HERC4: variants seen among roughly 807,000 people sequenced by gnomAD.
The protein encoded by HERC4 is HECT and RLD domain containing E3 ubiquitin protein ligase 4.
Under a neutral mutation model 124.3 loss-of-function variants are expected in HERC4, and 28 were observed. The observed-to-expected ratio is 0.23, with a 90% confidence interval of 0.17 to 0.31. The LOEUF is 0.31. Ranked by LOEUF, HERC4 falls within the 10% of genes least tolerant of loss-of-function variation. HERC4 has a pLI of 1.00. For missense variants in HERC4, 713 were observed against 1,229.3 expected, an observed-to-expected ratio of 0.58 and a Z score of 6.28; for synonymous variants, 407 against 421.5, an observed-to-expected ratio of 0.97 and a Z score of 0.42.
intron 4 of HERC4, chr10:68,039,343 G>C: frequency 5.7e-6 from 7 of 1,226,198 alleles, no homozygotes; most frequent in African/African-American, 1.6e-5. Flanking sequence ...AAGAAAGAAA[G>C]AAAAGAAAAA....
chr10:68,012,401 T>C (rs1394637567), intron 9 of HERC4, among the ~76,000 whole-genome samples: 3 of 152,198 alleles, frequency 2.0e-5, no homozygotes, highest in African/African-American at 4.8e-5. Context: ...GAAATGTGAT[T>C]TAAAGTGAGA....
chr10:68,039,334 A>T, intron 4 of HERC4: 5 of 1,394,838 alleles, frequency 3.6e-6, no homozygotes, highest in African/African-American at 1.5e-5. Context: ...AAAAAAAAAA[A>T]GAAAGAAAGA....
Position 68,040,049 on chromosome 10 carries a change from TA to T in HERC4, c.387-1881del, listed in dbSNP as rs2039682196. 5.4e-6 allele frequency: 4 copies of T among 742,454 alleles called. No homozygotes were observed. In the South Asian group the frequency reaches 2.4e-4, roughly 45 times the overall value. The allele number at this position is 742,454 out of a possible 1,614,324, so 46.0% of individuals were successfully genotyped here. ...CAGACTATGTGTTTTATACCCATGA[TA>T]ATGCCTGGCACCTACTATAGTGCCT... is the stretch of plus-strand genomic sequence containing the variant. On this transcript the variant is annotated intron_variant, in intron 4 of 24. Transcript: ENST00000373700.
rs769186805 is a variant in HERC4, at chr10:67,923,016, T to C, written c.3065A>G (p.Asp1022Gly). Residue 1022 changes from aspartate (D) to glycine (G), a missense_variant, in exon 25 of 25, where the codon GAT (aspartate) becomes GGT (glycine). Coordinates refer to ENST00000373700, the MANE Select transcript of HERC4 (RefSeq NM_015601.4). ...PVSHTCFNLL[D>G]LPKYTEKETL... ...TTCTTTTTCTGTATATTTTGGAAGA[T>C]CCAGAAGATTAAAACAAGTATGGGA... 15 of 1,613,736 alleles carry C rather than the reference T, an allele frequency of 9.3e-6. No individual in the cohort carries two copies. The highest frequency in any genetic ancestry group is 1.7e-5 in the Admixed American group (1 of 59,998).
intron 21 of HERC4, among the ~76,000 whole-genome samples, chr10:67,936,642 AC>A (rs1302998791): frequency 1.3e-5 from 2 of 152,172 alleles, no homozygotes; most frequent in Non-Finnish European, 2.9e-5. Context: ...TTCCTCTATC[AC>A]CCTTGTTGTA....
Position 67,988,739 on chromosome 10 carries a change from C to G in HERC4, c.1730G>C (p.Gly577Ala). 6.2e-7 allele frequency: 1 copy of G among 1,605,458 alleles called. No individual in the cohort carries two copies. The highest frequency in any genetic ancestry group is 1.1e-5 in the South Asian group (1 of 89,484). Residue 577 changes from glycine (G) to alanine (A), a missense_variant, in exon 15 of 25, where the codon GGT becomes GCT. Gly to Ala is a moderately conservative substitution (Grantham distance 60). Coordinates refer to ENST00000373700, the MANE Select transcript of HERC4 (RefSeq NM_015601.4). ...AATTCTTCTTTCAGAAGGGGGAATACCGATCTTGTAGAGTTTCAAAAGATG... is the reference window on the plus strand; with the variant it reads ...AATTCTTCTTTCAGAAGGGGGAATAGCGATCTTGTAGAGTTTCAAAAGATG... Reference protein sequence around the residue: ...VVHLLKLYKIGIPPSERRIFN... With the variant: ...VVHLLKLYKIAIPPSERRIFN...
rs1184362109 is a variant in HERC4 at position 68,040,405 on chromosome 10, C to G, written c.387-2236G>C. On this transcript the variant is annotated intron_variant, in intron 4 of 24. Coordinates refer to ENST00000373700, the MANE Select transcript of HERC4 (RefSeq NM_015601.4). Reference sequence around the variant, plus strand: ...ATTGGCTTTGTTTTCTTTGTTTTAGCTTTTAGAAATTAAAAAATACTGTGA... The same window carrying G: ...ATTGGCTTTGTTTTCTTTGTTTTAGGTTTTAGAAATTAAAAAATACTGTGA... The G allele has an allele frequency of 4.3e-6, 4 of 931,700 alleles. No individual in the cohort carries two copies. The African/African-American group carries it at 7.1e-5, about 17-fold the overall frequency. The allele number at this position is 931,700 out of a possible 1,614,324, so 57.7% of individuals were successfully genotyped here. A position where few individuals can be genotyped will look rare whatever the true frequency, so the allele number is the denominator to read the frequency against.
At chr10:68,064,999 A>G (rs1461395997) in intron 3 of HERC4, among the ~76,000 whole-genome samples, 1 of 152,068 alleles carries the variant, frequency 6.6e-6, no homozygotes, top group Non-Finnish European at 1.5e-5. Context: ...AAAAAATAGA[A>G]TACTTAAATA....
chr10:68,030,120 A>G (rs2039122365), intron 7 of HERC4, among the ~76,000 whole-genome samples: 1 of 152,082 alleles, frequency 6.6e-6, no homozygotes, highest in Admixed American at 6.6e-5. Context: ...TGTTCTGGCT[A>G]TTAATTTTAA....
chr10:68,069,052 G>C (rs1198614441), intron 3 of HERC4: 2 of 984,848 alleles, frequency 2.0e-6, no homozygotes, highest in East Asian at 2.3e-4. Context: ...TCACAGAACA[G>C]TTTAGTACTG....
intron 9 of HERC4, chr10:67,995,266 GT>G (rs1357750980): frequency 2.2e-6 from 1 of 455,496 alleles, no homozygotes; most frequent in East Asian, 7.0e-5. Context: ...CTTTTTTGTG[GT>G]GGTAGTAGGC....
intron 9 of HERC4, among the ~76,000 whole-genome samples, chr10:68,009,519 A>G (rs1297032807): frequency 6.6e-6 from 1 of 152,198 alleles, no homozygotes; most frequent in Non-Finnish European, 1.5e-5. Flanking sequence ...CTAACGATCA[A>G]TTGAGGCTTT....
At chr10:67,966,167 T>C (rs1489041336) in intron 16 of HERC4, 1 of 153,058 alleles carries the variant, frequency 6.5e-6, no homozygotes, top group African/African-American at 2.4e-5. Flanking sequence ...TTAGTAGAGA[T>C]GGGATTTCGT....
intron 4 of HERC4, chr10:68,039,557 T>C: frequency 1.3e-6 from 2 of 1,537,436 alleles, no homozygotes; most frequent in South Asian, 2.4e-5. Context: ...GTATTAAAAA[T>C]ATTTTTATTT....
In HERC4 at chr10:68,038,142, C is replaced by G; in HGVS notation, c.414G>C (p.Gln138His). Residue 138 changes from glutamine (Q) to histidine (H), a missense_variant, in exon 5 of 25, where the codon CAG (glutamine) becomes CAC (histidine). Physicochemically the swap from Gln to His is conservative, Grantham distance 24. Transcript: ENST00000373700. ...PRNIKSLSDIQIVQVACGYYH... is the reference protein window; with the variant it reads ...PRNIKSLSDIHIVQVACGYYH... Reference sequence around the variant, plus strand: ...AGTAACCACAAGCAACCTGTACAATCTGGATATCTGACAAACTTTTAATAT... The same window carrying G: ...AGTAACCACAAGCAACCTGTACAATGTGGATATCTGACAAACTTTTAATAT... 6.5e-7 allele frequency: 1 copy of G among 1,536,222 alleles called. No individual in the cohort carries two copies.
chr10:67,954,785 A>G, intron 18 of HERC4, 47 bp from the exon 19 acceptor site: 11 of 1,576,024 alleles, frequency 7.0e-6, no homozygotes, highest in Non-Finnish European at 9.5e-6. Context: ...AAGAAATGAA[A>G]GTACATTCTG....
chr10:67,961,041 G>A (rs953967199), intron 16 of HERC4: 19 of 282,360 alleles, frequency 6.7e-5, no homozygotes, highest in African/African-American at 3.0e-4. Context: ...TGACCATTGC[G>A]TTTCTTAGTA....
At chr10:68,024,785 G>T (rs1340136182) in intron 8 of HERC4, among the ~76,000 whole-genome samples, 1 of 152,112 alleles carries the variant, frequency 6.6e-6, no homozygotes, top group Admixed American at 6.6e-5. Context: ...TGCTACTTGG[G>T]AGTCTGCTCA....
intron 3 of HERC4, among the ~76,000 whole-genome samples, chr10:68,050,038 C>T (rs2040218339): frequency 6.6e-6 from 1 of 152,032 alleles, no homozygotes; most frequent in African/African-American, 2.4e-5. Flanking sequence ...CCCATCTCCA[C>T]TAAAAAAACA....
Sources: gnomAD v4.1 joint callset for allele counts (sites outside exome capture counted in the v4.1 genomes callset) on GRCh38, gnomAD v4.1.1 for gene constraint, MANE v1.5 for transcripts, NCBI Gene and HGNC (gene_info 2026-07-23, HGNC 2026-07-21) for gene names.